The following COL4A1 variants were observed in gnomAD, a reference collection of about 807,000 sequenced individuals.
COL4A1 encodes collagen alpha-1(IV) chain.
A neutral mutation model predicts 216.6 loss-of-function variants in COL4A1; 40 were observed. That is an observed-to-expected ratio of 0.18 (90% CI 0.14 to 0.24). The LOEUF (loss-of-function observed/expected upper bound fraction) is 0.24, where lower values mean the gene tolerates loss of function less well. COL4A1 is among the 10% of genes least tolerant of loss of function. The probability of loss-of-function intolerance (pLI) is 1.00; values close to 1 mark genes in which losing one functional copy is unlikely to be tolerated. For synonymous variants in COL4A1, 839 were observed against 810.7 expected (o/e 1.03, Z -0.59); for missense variants, 1,628 against 2,196.8 (o/e 0.74, Z 5.18).
intron 1 of COL4A1, among the ~76,000 whole-genome samples, chr13:110,281,582 A>G (rs373354277): frequency 5.9e-5 from 9 of 152,108 alleles, no homozygotes; most frequent in Middle Eastern, 3.2e-3. Flanking sequence ...TCACACAGAA[A>G]CTCAATTTCA....
rs201759372 is a variant in COL4A1 at position 110,248,189 on chromosome 13, A to T, written c.85-5455T>A. Among the ~76,000 whole-genome samples the T allele has an allele frequency of 1.1e-4, 17 of 152,128 alleles. No homozygotes were observed. The East Asian group carries it at 3.3e-3, about 29-fold the overall frequency. On this transcript the variant is annotated intron_variant, in intron 1 of 51. Transcript: ENST00000375820. ...TCCTGGTTGCAGCACTTCCTCGGGG[A>T]GTCTTTTAAATAATTCCCTACCCAA...
chr13:110,289,754 T>C (rs1297719631), intron 1 of COL4A1, among the ~76,000 whole-genome samples: 2 of 152,300 alleles, frequency 1.3e-5, no homozygotes, highest in Admixed American at 1.3e-4. Flanking sequence ...AGGTTCCTGA[T>C]GCATGGAAAA....
chr13:110,271,119 A>G (rs1883230038), intron 1 of COL4A1, among the ~76,000 whole-genome samples: 1 of 152,228 alleles, frequency 6.6e-6, no homozygotes, highest in Admixed American at 6.5e-5. Context: ...ATCTAAGTAA[A>G]TAACTGAATA....
chr13:110,196,609 CA>C (rs111466158), intron 21 of COL4A1, among the ~76,000 whole-genome samples: 3,645 of 138,222 alleles, frequency 0.026, 147 homozygotes, highest in African/African-American at 0.089. Context: ...AACAAACAAA[CA>C]AAAAAAAAAT....
At chr13:110,288,139 C>G (rs1883913757) in intron 1 of COL4A1, among the ~76,000 whole-genome samples, 1 of 151,690 alleles carries the variant, frequency 6.6e-6, no homozygotes, top group Non-Finnish European at 1.5e-5. Flanking sequence ...TGGCAGACAC[C>G]TGTAATCCCA....
chr13:110,303,772 C>A lies in COL4A1; in HGVS notation c.84+3172G>T, dbSNP rs115357730. Among the ~76,000 whole-genome samples, 383 of 152,344 alleles carry A rather than the reference C, an allele frequency of 2.5e-3. 1 individual carries two copies. Among genetic ancestry groups the A allele is most frequent in the African/African-American group, 8.8e-3 (366 of 41,568 alleles). ...TCTGTTTCTTTTCCAATATTTCTCA[C>A]CTGACCTTCCTGAGGACAGAGAGTG... On this transcript the variant is annotated intron_variant, in intron 1 of 51. Transcript: ENST00000375820.
At chr13:110,201,676 G>C (rs1199107673) in intron 18 of COL4A1, 154 bp from the exon 19 acceptor site, 13 of 802,268 alleles carry the variant, frequency 1.6e-5, no homozygotes, top group Non-Finnish European at 2.9e-5. Flanking sequence ...AGGAGGAAGG[G>C]GATAAGCCTC....
intron 1 of COL4A1, among the ~76,000 whole-genome samples, chr13:110,298,313 T>C (rs1261122618): frequency 6.6e-6 from 1 of 152,226 alleles, no homozygotes. Context: ...AATGTTTACA[T>C]GAAAAACATG....
chr13:110,238,409 G>A (rs1444274984), intron 2 of COL4A1, among the ~76,000 whole-genome samples: 1 of 152,210 alleles, frequency 6.6e-6, no homozygotes. Context: ...GATTAATGCA[G>A]TTCAATTAAC....
chr13:110,252,701 TGTATATATGTATTATACATATAATTATAA>T (rs1291310842), intron 1 of COL4A1, among the ~76,000 whole-genome samples: 1 of 142,170 alleles, frequency 7.0e-6, no homozygotes, highest in African/African-American at 2.6e-5. Flanking sequence ...TATAATTATA[TGTATATATGTATTATACATATAATTATAA>T]GTATGTATGT....
intron 1 of COL4A1, among the ~76,000 whole-genome samples, chr13:110,243,145 G>A (rs1881637736): frequency 6.6e-6 from 1 of 152,104 alleles, no homozygotes; most frequent in Non-Finnish European, 1.5e-5. Flanking sequence ...GAGGCTGAGA[G>A]CTCCCAATGA....
intron 2 of COL4A1, among the ~76,000 whole-genome samples, chr13:110,230,001 C>A (rs1043939663): frequency 2.0e-5 from 3 of 152,194 alleles, no homozygotes; most frequent in African/African-American, 7.2e-5. Context: ...CTGTCCCCTT[C>A]CACAGCATCA....
At chr13:110,210,236 G>A in intron 8 of COL4A1, 24 bp from the exon 9 acceptor site, 5 of 1,608,488 alleles carry the variant, frequency 3.1e-6, no homozygotes, top group Non-Finnish European at 4.3e-6. Flanking sequence ...AAAGAAAATA[G>A]AAAGTTGCAA....
intron 2 of COL4A1, among the ~76,000 whole-genome samples, chr13:110,240,860 A>C: frequency 6.7e-6 from 1 of 149,534 alleles, no homozygotes; most frequent in Middle Eastern, 3.3e-3. Flanking sequence ...AAAAGTTACA[A>C]GTTTTTTGGT....
chr13:110,193,034 C>T, intron 22 of COL4A1, 121 bp from the exon 23 acceptor site: 1 of 905,628 alleles, frequency 1.1e-6, no homozygotes. Flanking sequence ...CTTAGGTTTG[C>T]TCAGTGGCAA....
chr13:110,199,036 G>C (rs1173485204), intron 20 of COL4A1, among the ~76,000 whole-genome samples: 1 of 152,226 alleles, frequency 6.6e-6, no homozygotes, highest in Non-Finnish European at 1.5e-5. Flanking sequence ...CAATCTAGAA[G>C]AAAGAGCAGA....
At chr13:110,158,161 GA>G (rs1876879851) in intron 49 of COL4A1, among the ~76,000 whole-genome samples, 1 of 152,330 alleles carries the variant, frequency 6.6e-6, no homozygotes, top group South Asian at 2.1e-4. Flanking sequence ...CCTGCATTCT[GA>G]AAAGTGCCAT....
chr13:110,152,849 A>G (rs1008967536), intron 50 of COL4A1, among the ~76,000 whole-genome samples: 22 of 152,382 alleles, frequency 1.4e-4, no homozygotes, highest in African/African-American at 4.8e-4. Context: ...TCATGAGACA[A>G]TAGCCAAAAT....
chr13:110,170,518 A>G, intron 42 of COL4A1, 29 bp downstream of exon 42: 1 of 1,575,002 alleles, frequency 6.3e-7, no homozygotes, highest in Non-Finnish European at 8.6e-7. Context: ...CCCAGTCCTC[A>G]GCCCTGGCCC....
Sources: allele counts gnomAD v4.1 joint callset (sites outside exome capture counted in the v4.1 genomes callset), GRCh38; gene constraint gnomAD v4.1.1; transcripts MANE v1.5; gene names NCBI Gene and HGNC (gene_info 2026-07-23, HGNC 2026-07-21).